The following PTPN21 variants were observed in gnomAD, a reference collection of about 807,000 sequenced individuals.
PTPN21 encodes the protein protein tyrosine phosphatase non-receptor type 21, also known as tyrosine-protein phosphatase non-receptor type 21.
A neutral mutation model predicts 131.8 loss-of-function variants in PTPN21; 77 were observed. The ratio of observed to expected loss-of-function variants is 0.58; its 90% confidence interval spans 0.49 to 0.71. The LOEUF (loss-of-function observed/expected upper bound fraction) is 0.71, where lower values mean the gene tolerates loss of function less well. PTPN21 is among the 30% of genes least tolerant of loss of function. The pLI is 0.00. For missense variants in PTPN21, 1,552 were observed against 1,527.1 expected, an observed-to-expected ratio of 1.02 and a Z score of -0.27; for synonymous variants, 715 against 621.3, an observed-to-expected ratio of 1.15 and a Z score of -2.24.
At chr14:88,503,371 T>C (rs2078042363) in intron 6 of PTPN21, among the ~76,000 whole-genome samples, 1 of 152,172 alleles carries the variant, frequency 6.6e-6, no homozygotes, top group Admixed American at 6.5e-5. Flanking sequence ...TTTCCCCATC[T>C]GGTAAGATGG....
At chr14:88,493,130 G>C (rs1464201753) in intron 10 of PTPN21, 2 of 455,730 alleles carry the variant, frequency 4.4e-6, no homozygotes, top group Non-Finnish European at 8.8e-6. Context: ...TCAATAATGG[G>C]ATAGTAATAA....
intron 2 of PTPN21, among the ~76,000 whole-genome samples, chr14:88,518,488 T>A (rs1240001170): frequency 8.3e-6 from 1 of 120,560 alleles, no homozygotes; most frequent in African/African-American, 3.2e-5. Context: ...TACAGTGCAG[T>A]GGCGCAATCT....
At chr14:88,484,162 C>T (rs1288118863) in intron 12 of PTPN21, among the ~76,000 whole-genome samples, 1 of 151,772 alleles carries the variant, frequency 6.6e-6, no homozygotes, top group African/African-American at 2.4e-5. Context: ...ATCCTCCTAC[C>T]TCAGCCTCCT....
intron 3 of PTPN21, 69 bp downstream of exon 3, chr14:88,517,023 C>T: frequency 2.6e-6 from 4 of 1,545,524 alleles, no homozygotes; most frequent in Non-Finnish European, 3.5e-6. Context: ...CTTCTGACTT[C>T]AACCTTAGTT....
intron 1 of PTPN21, chr14:88,551,798 TCCCGAGTAGCTGGGA>T (rs2078873513): frequency 6.6e-6 from 1 of 152,316 alleles, no homozygotes; most frequent in Non-Finnish European, 1.5e-5. Context: ...CGCCTCAACC[TCCCGAGTAGCTGGGA>T]CCACAGGTGC....
At chr14:88,488,480 C>G (rs1426765208) in intron 10 of PTPN21, among the ~76,000 whole-genome samples, 1 of 152,192 alleles carries the variant, frequency 6.6e-6, no homozygotes, top group Non-Finnish European at 1.5e-5. Context: ...TGGCATTGTT[C>G]TTATAAATGC....
chr14:88,529,960 G>A (rs146733451), intron 2 of PTPN21, among the ~76,000 whole-genome samples: 2 of 150,858 alleles, frequency 1.3e-5, no homozygotes, highest in East Asian at 1.9e-4. Context: ...CAGTCTGGGC[G>A]ACAGAGTCAG....
chr14:88,468,329 G>A, intron 18 of PTPN21, 64 bp from the exon 19 acceptor site: 1 of 1,455,406 alleles, frequency 6.9e-7, no homozygotes, highest in South Asian at 1.3e-5. Context: ...AGGATGGGAG[G>A]ACACGAGTGT....
chr14:88,518,646 G>T (rs1203383059), intron 2 of PTPN21, among the ~76,000 whole-genome samples: 2 of 150,122 alleles, frequency 1.3e-5, no homozygotes, highest in African/African-American at 4.9e-5. Flanking sequence ...GGTCAGGCTG[G>T]TCTCGAACTC....
At position 88,479,550 on chromosome 14, in the gene PTPN21, CGCGG is replaced by C. The variant is rs1566813308; in HGVS notation, c.1877_1880del (p.Ala626GlyfsTer67). ...TCCGTTTGTGCAGCTGCGCGTGGCG[CGCGG>C]CGGTGAGGGGCTCGCTGACCTCCTG... On this transcript the variant is annotated frameshift_variant, in exon 13 of 19. Coordinates refer to ENST00000556564, the MANE Select transcript of PTPN21 (RefSeq NM_007039.4). LOFTEE classifies it high-confidence loss of function. 3.0e-5 allele frequency: 48 copies of C among 1,599,274 alleles called. No individual in the cohort carries two copies. Among genetic ancestry groups the C allele is most frequent in the Non-Finnish European group, 4.1e-5 (48 of 1,179,000 alleles).
chr14:88,498,073 C>T (rs572986507), intron 8 of PTPN21, among the ~76,000 whole-genome samples: 2 of 148,556 alleles, frequency 1.3e-5, no homozygotes, highest in African/African-American at 2.5e-5. Context: ...TGCACTCCAG[C>T]GTGGGCAACA....
At chr14:88,470,452 T>G (rs2077444020) in intron 15 of PTPN21, 1 of 177,490 alleles carries the variant, frequency 5.6e-6, no homozygotes, top group Admixed American at 5.5e-5. Context: ...AAAAAAAACC[T>G]TCCTACTTAA....
chr14:88,551,694 T>C (rs548848474), intron 1 of PTPN21: 4 of 152,342 alleles, frequency 2.6e-5, no homozygotes, highest in Admixed American at 2.6e-4. Context: ...ACGTGTTTTA[T>C]AGAGCGAAGT....
chr14:88,514,469 C>CTTT (rs555587081), intron 3 of PTPN21, among the ~76,000 whole-genome samples: 1 of 140,760 alleles, frequency 7.1e-6, no homozygotes, highest in African/African-American at 2.6e-5. Context: ...TTTCTTTTTT[C>CTTT]TTTTTTTTTT....
chr14:88,498,139 G>A (rs2077952598), intron 8 of PTPN21, among the ~76,000 whole-genome samples: 2 of 151,840 alleles, frequency 1.3e-5, no homozygotes, highest in African/African-American at 2.4e-5. Flanking sequence ...GGCCAGGCGA[G>A]GTGGCAGGCA....
At chr14:88,492,580 G>A (rs1445774404) in intron 10 of PTPN21, among the ~76,000 whole-genome samples, 7 of 152,130 alleles carry the variant, frequency 4.6e-5, no homozygotes, top group Admixed American at 1.3e-4. Flanking sequence ...CAAACCACTG[G>A]CCAGCTCCCC....
chr14:88,489,213 C>T (rs2077784476), intron 10 of PTPN21, among the ~76,000 whole-genome samples: 2 of 152,148 alleles, frequency 1.3e-5, no homozygotes, highest in Admixed American at 1.3e-4. Context: ...TAAAGTGATG[C>T]TTATTACTAA....
chr14:88,547,626 C>CT (rs2078802625), intron 2 of PTPN21: 1 of 455,044 alleles, frequency 2.2e-6, no homozygotes, highest in Non-Finnish European at 4.4e-6. Context: ...GTACTCCAGC[C>CT]TGGGTGATGG....
intron 2 of PTPN21, among the ~76,000 whole-genome samples, chr14:88,543,217 C>T (rs1403581671): frequency 1.3e-5 from 2 of 152,160 alleles, no homozygotes; most frequent in Non-Finnish European, 2.9e-5. Flanking sequence ...CCTCTCTATT[C>T]TAACAAATCC....
Sources: gnomAD v4.1 joint callset for allele counts (sites outside exome capture counted in the v4.1 genomes callset) on GRCh38, gnomAD v4.1.1 for gene constraint, MANE v1.5 for transcripts, NCBI Gene and HGNC (gene_info 2026-07-23, HGNC 2026-07-21) for gene names.